The following UBAP2 variants were observed in gnomAD, a reference collection of about 807,000 sequenced individuals.
UBAP2 encodes the protein ubiquitin associated protein 2.
A neutral mutation model predicts 139.6 loss-of-function variants in UBAP2; 75 were observed. The observed-to-expected ratio is 0.54, with a 90% CI of 0.45 to 0.65. The LOEUF (loss-of-function observed/expected upper bound fraction) is 0.65. UBAP2 is among the 30% of genes least tolerant of loss of function. The pLI, the probability that UBAP2 is intolerant of heterozygous loss-of-function variation, is 0.00. For missense variants in UBAP2, 1,368 were observed against 1,369.6 expected, an observed-to-expected ratio of 1.00 and a Z score of 0.02; for synonymous variants, 526 against 526.2, an observed-to-expected ratio of 1.00 and a Z score of 0.01.
chr9:33,943,303 T>C, intron 15 of UBAP2, 117 bp downstream of exon 15: 1 of 1,007,100 alleles, frequency 9.9e-7, no homozygotes, highest in Admixed American at 2.7e-5. Flanking sequence ...CTTATGGAGA[T>C]GATGGAAGGT....
chr9:33,929,409 A>G (rs1424621177), intron 19 of UBAP2, among the ~76,000 whole-genome samples: 1 of 152,178 alleles, frequency 6.6e-6, no homozygotes, highest in Non-Finnish European at 1.5e-5. Context: ...CTGAATTAAA[A>G]AGTCAACACT....
chr9:33,943,888 G>A (rs186504952), intron 14 of UBAP2, among the ~76,000 whole-genome samples: 38 of 151,992 alleles, frequency 2.5e-4, no homozygotes, highest in Admixed American at 1.8e-3. Flanking sequence ...ACAACACGGC[G>A]AGACCCTGTC....
At chr9:33,933,831 T>C (rs1222824157) in intron 17 of UBAP2, among the ~76,000 whole-genome samples, 1 of 152,124 alleles carries the variant, frequency 6.6e-6, no homozygotes, top group Non-Finnish European at 1.5e-5. Flanking sequence ...CACCACACCA[T>C]GGTCAGCTGT....
intron 1 of UBAP2, among the ~76,000 whole-genome samples, chr9:34,022,909 T>C (rs1825086192): frequency 6.6e-6 from 1 of 152,148 alleles, no homozygotes; most frequent in Non-Finnish European, 1.5e-5. Flanking sequence ...TTTTTCTCAC[T>C]GTTTATTCTC....
intron 2 of UBAP2, among the ~76,000 whole-genome samples, chr9:34,010,312 T>C (rs1823637560): frequency 6.7e-6 from 1 of 149,402 alleles, no homozygotes; most frequent in East Asian, 2.0e-4. Context: ...TAATCCCAGC[T>C]ACTCAGGAGG....
At chr9:33,951,435 C>G (rs1485923207) in intron 12 of UBAP2, among the ~76,000 whole-genome samples, 1 of 149,922 alleles carries the variant, frequency 6.7e-6, no homozygotes, top group Non-Finnish European at 1.5e-5. Flanking sequence ...CAACCTCCAC[C>G]TCCCGGGTTC....
chr9:33,931,322 G>C (rs1433174123), intron 19 of UBAP2, among the ~76,000 whole-genome samples: 1 of 152,226 alleles, frequency 6.6e-6, no homozygotes, highest in African/African-American at 2.4e-5. Context: ...TATTAGCAAT[G>C]TCACAGTTCT....
At chr9:34,032,785 G>A (rs1042202573) in intron 1 of UBAP2, among the ~76,000 whole-genome samples, 7 of 152,094 alleles carry the variant, frequency 4.6e-5, no homozygotes, top group South Asian at 4.1e-4. Context: ...TTAGCTGGGC[G>A]TGGTTGCACG....
rs369367433 is a variant in UBAP2, at chr9:33,996,205, T to C, written c.288+18A>G. On this transcript the variant is annotated intron_variant, in intron 4 of 28. Coordinates refer to ENST00000379238, the MANE Select transcript of UBAP2 (RefSeq NM_001370062.2). ...TGGAGACAAATGTAAACAATGCAAA[T>C]CAATTAATAATACTTACTGTGTCTG... 163 of 1,573,508 alleles carry C rather than the reference T, an allele frequency of 1.0e-4. 1 individual carries two copies. In the African/African-American group the frequency reaches 2.0e-3, roughly 20 times the overall value.
intron 1 of UBAP2, among the ~76,000 whole-genome samples, chr9:34,046,643 CAAAAAAAAAAAAAAAAAAAA>C (rs59971755): frequency 3.3e-5 from 4 of 122,332 alleles, no homozygotes; most frequent in African/African-American, 1.3e-4. Flanking sequence ...GACTCCATCT[CAAAAAAAAAAAAAAAAAAAA>C]AAAAAAAAAG....
intron 6 of UBAP2, among the ~76,000 whole-genome samples, chr9:33,974,900 T>A (rs1312753222): frequency 7.8e-6 from 1 of 128,948 alleles, no homozygotes; most frequent in Non-Finnish European, 1.6e-5. Context: ...CTTGCGTCAC[T>A]GTTCTCCAGC....
chr9:33,953,342 C>T lies in UBAP2; in HGVS notation c.999G>A (p.Gln333=). The T allele has an allele frequency of 6.2e-7, 1 of 1,614,188 alleles. No individual in the cohort carries two copies. Among genetic ancestry groups the T allele is most frequent in the African/African-American group, 1.3e-5 (1 of 75,050 alleles). The change falls in exon 12 of 29, where the codon CAG becomes CAA. Residue 333 remains glutamine, a synonymous_variant. Coordinates refer to ENST00000379238, the MANE Select transcript of UBAP2 (RefSeq NM_001370062.2). The part of the protein sequence containing the change: ...LVFTNSQHNN[Q]MAPGTGSSTA... ...TGGAGCTGCCAGTCCCTGGTGCCATCTGATTGTTGTGTTGCGAATTTGTGA... is the reference window on the plus strand; with the variant it reads ...TGGAGCTGCCAGTCCCTGGTGCCATTTGATTGTTGTGTTGCGAATTTGTGA...
intron 11 of UBAP2, among the ~76,000 whole-genome samples, chr9:33,954,301 C>CACACACACAT (rs1554682975): frequency 0.044 from 6,439 of 146,464 alleles, 173 homozygotes; most frequent in Non-Finnish European, 0.051. Context: ...CACACACACA[C>CACACACACAT]GCCCATATAA....
chr9:33,966,372 C>G (rs1413872731), intron 8 of UBAP2, among the ~76,000 whole-genome samples: 2 of 151,588 alleles, frequency 1.3e-5, no homozygotes, highest in African/African-American at 4.8e-5. Flanking sequence ...GGTAAGAGAT[C>G]ACTCACCCAG....
At chr9:33,984,588 G>T (rs1483390340) in intron 6 of UBAP2, among the ~76,000 whole-genome samples, 1 of 151,764 alleles carries the variant, frequency 6.6e-6, no homozygotes. Flanking sequence ...TGAGGTGGAA[G>T]TATCACTTGA....
At chr9:33,979,015 A>C (rs1820404602) in intron 6 of UBAP2, among the ~76,000 whole-genome samples, 1 of 152,134 alleles carries the variant, frequency 6.6e-6, no homozygotes, top group Non-Finnish European at 1.5e-5. Flanking sequence ...AGGGAGGAGG[A>C]CTGCTTGGAG....
chr9:33,939,393 T>C (rs568165054), intron 16 of UBAP2, among the ~76,000 whole-genome samples: 109 of 151,670 alleles, frequency 7.2e-4, no homozygotes, highest in South Asian at 1.5e-3. Context: ...GAGACAGGGT[T>C]TCACCATGTT....
chr9:33,927,068 G>A lies in UBAP2; in HGVS notation c.2384C>T (p.Pro795Leu). 6.2e-7 allele frequency: 1 copy of A among 1,612,526 alleles called. No individual in the cohort carries two copies. Among genetic ancestry groups the A allele is most frequent in the Non-Finnish European group, 8.5e-7 (1 of 1,179,244 alleles). ...APLVTSGKAPPNLPQGVPPLL... is the reference protein window; with the variant it reads ...APLVTSGKAPLNLPQGVPPLL... ...GGGAGGCACCCCCTGAGGTAAGTTT[G>A]GGGGTGCTTTGCCTGTATAGAGGGA... Residue 795 changes from proline to leucine, a missense_variant, in exon 21 of 29, where the codon CCA (proline) becomes CTA (leucine). Coordinates refer to ENST00000379238, the MANE Select transcript of UBAP2 (RefSeq NM_001370062.2).
At chr9:34,005,518 C>G (rs976426471) in intron 2 of UBAP2, among the ~76,000 whole-genome samples, 9 of 148,462 alleles carry the variant, frequency 6.1e-5, no homozygotes, top group African/African-American at 1.7e-4. Context: ...TTACAGAATT[C>G]AAGAAATAAT....
Sources: gnomAD v4.1 joint callset for allele counts (sites outside exome capture counted in the v4.1 genomes callset) on GRCh38, gnomAD v4.1.1 for gene constraint, MANE v1.5 for transcripts, NCBI Gene and HGNC (gene_info 2026-07-23, HGNC 2026-07-21) for gene names.